CD9: variants seen among roughly 807,000 people sequenced by gnomAD.
CD9 encodes CD9 antigen.
CD9 carries 10 observed loss-of-function variants against 31.4 expected under a neutral mutation model. The observed-to-expected ratio is 0.32, with a 90% CI of 0.20 to 0.54. The LOEUF is 0.54. Among genes scored for constraint, CD9 ranks in the 20% least tolerant of loss-of-function variants. The probability of loss-of-function intolerance (pLI) is 0.94; values close to 1 mark genes in which losing one functional copy is unlikely to be tolerated. For synonymous variants in CD9, 113 were observed against 114.1 expected, an observed-to-expected ratio of 0.99 and a Z score of 0.06; for missense variants, 259 against 300.1, an observed-to-expected ratio of 0.86 and a Z score of 1.01.
chr12:6,205,484 G>T (rs1203819606), intron 1 of CD9, among the ~76,000 whole-genome samples: 2 of 152,182 alleles, frequency 1.3e-5, no homozygotes, highest in African/African-American at 2.4e-5. Context: ...GGCCCTGCCA[G>T]TACTGACTCT....
At chr12:6,220,435 G>A (rs748994081) in intron 1 of CD9, among the ~76,000 whole-genome samples, 5 of 152,148 alleles carry the variant, frequency 3.3e-5, no homozygotes, top group South Asian at 2.1e-4. Flanking sequence ...ATGCAGTGAC[G>A]AGCCAGTGAG....
rs1194452552 is a variant in CD9, at chr12:6,237,919, T to G, written c.*91T>G. On this transcript the variant is annotated 3_prime_UTR_variant, in exon 8 of 8. Transcript: ENST00000009180. ...GTTTTGTTTTGTTTGTTGTTTGTTG[T>G]TTGTTTTTTTGCCACTAATTTTAGT... 4.1e-6 allele frequency: 4 copies of G among 968,386 alleles called. No homozygotes were observed. In the African/African-American group the frequency reaches 4.8e-5, roughly 12 times the overall value. 60.0% of individuals were successfully genotyped at this position (968,386 alleles called of 1,614,324 possible). A position where few individuals can be genotyped will look rare whatever the true frequency, so the allele number is the denominator to read the frequency against.
intron 1 of CD9, chr12:6,200,816 T>A (rs569199322): frequency 4.7e-6 from 2 of 428,472 alleles, no homozygotes; most frequent in Admixed American, 4.6e-5. Flanking sequence ...CGGGCCCTCT[T>A]GAGATGAGGC....
chr12:6,235,961 CCCT>C, intron 6 of CD9: 1 of 1,413,794 alleles, frequency 7.1e-7, no homozygotes, highest in Non-Finnish European at 9.2e-7. Context: ...CAGGGCCTGT[CCCT>C]CCTCCTTCCC....
intron 3 of CD9, chr12:6,233,037 T>C: frequency 1.4e-6 from 1 of 702,390 alleles, no homozygotes; most frequent in Non-Finnish European, 2.6e-6. Context: ...TGTTTCAAAA[T>C]CTGTTTTGGT....
intron 1 of CD9, among the ~76,000 whole-genome samples, chr12:6,202,616 T>C (rs1477111820): frequency 6.6e-6 from 1 of 152,222 alleles, no homozygotes; most frequent in Non-Finnish European, 1.5e-5. Flanking sequence ...GGGCCACTGG[T>C]ATCTACTCTG....
chr12:6,209,236 A>G (rs1946166665), intron 1 of CD9, among the ~76,000 whole-genome samples: 1 of 152,208 alleles, frequency 6.6e-6, no homozygotes, highest in Non-Finnish European at 1.5e-5. Context: ...CTGGGATTAT[A>G]GGCGTGAGCC....
chr12:6,214,887 T>C (rs1279857787), intron 1 of CD9, among the ~76,000 whole-genome samples: 1 of 152,122 alleles, frequency 6.6e-6, no homozygotes, highest in African/African-American at 2.4e-5. Context: ...GTGGTGGATG[T>C]GCATTTGGGA....
intron 6 of CD9, 159 bp from the exon 7 acceptor site, chr12:6,236,033 C>T (rs3181300): frequency 0.5 from 722,729 of 1,436,456 alleles, 182,786 homozygotes; most frequent in Middle Eastern, 0.64. Context: ...GTTCCCCTTT[C>T]CATCCACCAG....
At chr12:6,200,695 A>G (rs370314361) in intron 1 of CD9, 130 bp downstream of exon 1, 6 of 581,150 alleles carry the variant, frequency 1.0e-5, no homozygotes, top group East Asian at 3.3e-5. Flanking sequence ...GGGAAGAGAG[A>G]GCGCCCTGCG....
chr12:6,222,767 C>G (rs1279417714), intron 1 of CD9, among the ~76,000 whole-genome samples: 2 of 152,206 alleles, frequency 1.3e-5, no homozygotes, highest in African/African-American at 4.8e-5. Flanking sequence ...CTGGGGTACC[C>G]TGTCATTATC....
chr12:6,233,530 A>T (rs754352048), intron 4 of CD9, 44 bp downstream of exon 4: 19 of 1,460,042 alleles, frequency 1.3e-5, no homozygotes, highest in Non-Finnish European at 1.8e-5. Context: ...GAGTTGGGGG[A>T]TGGGGGACAG....
chr12:6,220,322 CAAG>C (rs995616775), intron 1 of CD9, among the ~76,000 whole-genome samples: 15 of 152,248 alleles, frequency 9.9e-5, no homozygotes, highest in East Asian at 1.9e-4. Context: ...AAGGAGCAGA[CAAG>C]GAGGAGGCAG....
intron 1 of CD9, among the ~76,000 whole-genome samples, chr12:6,221,783 C>T (rs1946294380): frequency 7.0e-6 from 1 of 143,280 alleles, no homozygotes; most frequent in Admixed American, 7.3e-5. Context: ...TAAGACCAGC[C>T]TGAGCAACAT....
intron 1 of CD9, among the ~76,000 whole-genome samples, chr12:6,208,648 C>T (rs913548920): frequency 2.0e-5 from 3 of 151,446 alleles, no homozygotes; most frequent in Non-Finnish European, 4.4e-5. Flanking sequence ...CGCAGCTCAC[C>T]GCAACCTCCG....
chr12:6,230,500 C>A (rs1195714233), intron 2 of CD9, among the ~76,000 whole-genome samples: 1 of 152,246 alleles, frequency 6.6e-6, no homozygotes, highest in Non-Finnish European at 1.5e-5. Context: ...CGTTCCCACT[C>A]CACGGTATTT....
intron 1 of CD9, chr12:6,225,218 G>A (rs967816045): frequency 1.2e-5 from 7 of 564,536 alleles, no homozygotes; most frequent in African/African-American, 1.1e-4. Context: ...CGGCAGGTAG[G>A]TCACTGTTTA....
chr12:6,229,646 A>C (rs992612702), intron 2 of CD9, among the ~76,000 whole-genome samples: 1 of 152,086 alleles, frequency 6.6e-6, no homozygotes, highest in African/African-American at 2.4e-5. Flanking sequence ...GTTCTCCTTC[A>C]CACAAACGGG....
intron 2 of CD9, among the ~76,000 whole-genome samples, chr12:6,229,506 C>T (rs1374861361): frequency 1.3e-5 from 2 of 152,228 alleles, no homozygotes; most frequent in Non-Finnish European, 2.9e-5. Context: ...GGCACTTATT[C>T]CCGTGAACTC....
Sources: gnomAD v4.1 joint callset for allele counts (sites outside exome capture counted in the v4.1 genomes callset) on GRCh38, gnomAD v4.1.1 for gene constraint, MANE v1.5 for transcripts, NCBI Gene and HGNC (gene_info 2026-07-23, HGNC 2026-07-21) for gene names.